The following CRPPA variants were observed in gnomAD, a reference collection of about 807,000 sequenced individuals.
The protein encoded by CRPPA is CDP-L-ribitol pyrophosphorylase A.
Under a neutral mutation model 52.0 loss-of-function variants are expected in CRPPA, and 43 were observed. The observed-to-expected ratio is 0.83, with a 90% CI of 0.65 to 1.07. The LOEUF (loss-of-function observed/expected upper bound fraction) is 1.07. Ranked by LOEUF, CRPPA falls within the 50% of genes least tolerant of loss-of-function variation. The pLI is 0.00. For synonymous variants in CRPPA, 250 were observed against 203.5 expected (o/e 1.23, Z -1.94); for missense variants, 629 against 551.7 (o/e 1.14, Z -1.40).
At chr7:16,094,837 T>C (rs1781905339) in intron 9 of CRPPA, among the ~76,000 whole-genome samples, 1 of 151,996 alleles carries the variant, frequency 6.6e-6, no homozygotes, top group Admixed American at 6.6e-5. Flanking sequence ...ACCTGACAAG[T>C]GCTCCTCAAA....
chr7:16,398,481 C>T (rs1351976781), intron 2 of CRPPA, among the ~76,000 whole-genome samples: 1 of 151,990 alleles, frequency 6.6e-6, no homozygotes, highest in East Asian at 1.9e-4. Flanking sequence ...ACATGATTGG[C>T]ACATGACCTA....
intron 9 of CRPPA, among the ~76,000 whole-genome samples, chr7:16,145,642 T>TGG (rs34238820): frequency 4.7e-4 from 69 of 147,976 alleles, no homozygotes; most frequent in Admixed American, 1.5e-3. Context: ...AAAACTATCA[T>TGG]AAAAAAAAAA....
At chr7:16,343,724 A>G (rs1318505247) in intron 3 of CRPPA, among the ~76,000 whole-genome samples, 1 of 152,150 alleles carries the variant, frequency 6.6e-6, no homozygotes, top group South Asian at 2.1e-4. Context: ...TTGAAAACCT[A>G]TTCCTGGAAA....
At chr7:16,109,278 C>T (rs868683836) in intron 9 of CRPPA, among the ~76,000 whole-genome samples, 1 of 151,754 alleles carries the variant, frequency 6.6e-6, no homozygotes, top group Non-Finnish European at 1.5e-5. Context: ...CTACCTCAAA[C>T]AATTATAAGT....
At chr7:16,128,315 TA>T (rs1782618866) in intron 9 of CRPPA, among the ~76,000 whole-genome samples, 2 of 152,044 alleles carry the variant, frequency 1.3e-5, no homozygotes, top group Non-Finnish European at 2.9e-5. Context: ...AGAAAAAAAA[TA>T]AAGATGTAAT....
At chr7:16,315,450 G>T (rs535325596) in intron 3 of CRPPA, among the ~76,000 whole-genome samples, 2 of 152,030 alleles carry the variant, frequency 1.3e-5, no homozygotes, top group African/African-American at 2.4e-5. Flanking sequence ...AAGGTAAATC[G>T]GACTTGTACT....
Position 16,089,269 on chromosome 7 carries a change from T to C in CRPPA, c.*2426A>G, listed in dbSNP as rs1424098564. On this transcript the variant is annotated 3_prime_UTR_variant, in exon 10 of 10. Coordinates refer to ENST00000407010, the MANE Select transcript of CRPPA (RefSeq NM_001101426.4). ...ATATATGTGTGTATGCGTACGTATA[T>C]ACATATATGTGTGTATGCGTACGTA... 2 of 360,496 alleles carry C rather than the reference T, an allele frequency of 5.5e-6. No homozygotes were observed. The highest frequency in any genetic ancestry group is 4.3e-5 in the African/African-American group (2 of 46,988). 22.3% of individuals were successfully genotyped at this position (360,496 alleles called of 1,614,324 possible). A position where few individuals can be genotyped will look rare whatever the true frequency, so the allele number is the denominator to read the frequency against.
At chr7:16,128,814 A>G (rs1583376542) in intron 9 of CRPPA, among the ~76,000 whole-genome samples, 1 of 152,194 alleles carries the variant, frequency 6.6e-6, no homozygotes, top group Non-Finnish European at 1.5e-5. Flanking sequence ...TGGAAACAGA[A>G]AGCAAAGTTA....
At chr7:16,293,534 C>T (rs566693229) in intron 5 of CRPPA, among the ~76,000 whole-genome samples, 1 of 151,886 alleles carries the variant, frequency 6.6e-6, no homozygotes, top group Non-Finnish European at 1.5e-5. Flanking sequence ...GTCTGAACAC[C>T]TTGCAATAGG....
intron 6 of CRPPA, among the ~76,000 whole-genome samples, chr7:16,266,960 G>T (rs1275120954): frequency 6.6e-6 from 1 of 152,140 alleles, no homozygotes; most frequent in African/African-American, 2.4e-5. Context: ...GGCATGTTCT[G>T]TAACTATTAG....
At chr7:16,224,003 C>T (rs1782586931) in intron 8 of CRPPA, among the ~76,000 whole-genome samples, 2 of 152,116 alleles carry the variant, frequency 1.3e-5, no homozygotes, top group Admixed American at 1.3e-4. Context: ...AAAGATAAGC[C>T]TATCCTTCTG....
chr7:16,282,922 A>T (rs1202788174), intron 5 of CRPPA, among the ~76,000 whole-genome samples: 1 of 152,072 alleles, frequency 6.6e-6, no homozygotes, highest in African/African-American at 2.4e-5. Context: ...ATCTGTCTAC[A>T]TTCAAAGATT....
intron 8 of CRPPA, among the ~76,000 whole-genome samples, chr7:16,236,291 C>A (rs766637331): frequency 2.0e-5 from 3 of 152,062 alleles, no homozygotes; most frequent in Non-Finnish European, 2.9e-5. Context: ...TCCTACTGTT[C>A]CCAAATAAGT....
At chr7:16,169,167 A>G (rs1781127473) in intron 9 of CRPPA, among the ~76,000 whole-genome samples, 1 of 152,200 alleles carries the variant, frequency 6.6e-6, no homozygotes, top group South Asian at 2.1e-4. Context: ...TCCAATACCT[A>G]GCTTATATCT....
chr7:16,392,602 C>T (rs1050011415), intron 2 of CRPPA, among the ~76,000 whole-genome samples: 6 of 152,258 alleles, frequency 3.9e-5, no homozygotes, highest in Admixed American at 3.9e-4. Context: ...TTATTAAATG[C>T]TGAAGTGCTA....
At chr7:16,333,621 G>A (rs1306432855) in intron 3 of CRPPA, among the ~76,000 whole-genome samples, 2 of 152,056 alleles carry the variant, frequency 1.3e-5, no homozygotes, top group Admixed American at 6.6e-5. Context: ...TCCACCATGG[G>A]AAACCAAAAA....
chr7:16,389,928 A>AAAAAAAAAAATATATAT, intron 2 of CRPPA, among the ~76,000 whole-genome samples: 7 of 29,756 alleles, frequency 2.4e-4, no homozygotes, highest in African/African-American at 1.2e-3. Flanking sequence ...AAAAAAAAAA[A>AAAAAAAAAAATATATAT]ATATATATAT....
rs181263675 is a variant in CRPPA at position 16,367,769 on chromosome 7, G to A, written c.684+8323C>T. 5.3e-3 allele frequency among the ~76,000 whole-genome samples: 800 copies of A among 152,184 alleles called. 15 individuals carry two copies. Among genetic ancestry groups the A allele is most frequent in the Middle Eastern group, 0.037 (11 of 294 alleles). On this transcript the variant is annotated intron_variant, in intron 3 of 9. Transcript: ENST00000407010. ...TATATTCAGCTACCCACAGATAAGC[G>A]ACGGGAATCTTTAAAAATGCGGGGA... is the stretch of plus-strand genomic sequence containing the variant.
At chr7:16,259,824 C>T (rs1193958517) in intron 6 of CRPPA, among the ~76,000 whole-genome samples, 5 of 151,838 alleles carry the variant, frequency 3.3e-5, no homozygotes, top group Admixed American at 2.0e-4. Context: ...AGTGCTGTTC[C>T]TTGGTGAAAC....
Sources: allele counts gnomAD v4.1 joint callset (sites outside exome capture counted in the v4.1 genomes callset), GRCh38; gene constraint gnomAD v4.1.1; transcripts MANE v1.5; gene names NCBI Gene and HGNC (gene_info 2026-07-23, HGNC 2026-07-21).